SLC5A11: variants seen among roughly 807,000 people sequenced by gnomAD.
SLC5A11 encodes sodium/myo-inositol cotransporter 2.
In SLC5A11, 48 loss-of-function variants were observed where a neutral mutation model predicts 69.8. That is an observed-to-expected ratio of 0.69 (90% CI 0.55 to 0.87). SLC5A11 has a LOEUF of 0.87. Ranked by LOEUF, SLC5A11 falls within the 40% of genes least tolerant of loss-of-function variation. The probability of loss-of-function intolerance (pLI) is 0.00; values close to 1 mark genes in which losing one functional copy is unlikely to be tolerated. For synonymous variants in SLC5A11, 319 were observed against 342.4 expected, an observed-to-expected ratio of 0.93 and a Z score of 0.75; for missense variants, 784 against 866.1, an observed-to-expected ratio of 0.91 and a Z score of 1.19.
At chr16:24,851,987 CTCTCTCT>C (rs1567559298) in intron 1 of SLC5A11, among the ~76,000 whole-genome samples, 14 of 150,744 alleles carry the variant, frequency 9.3e-5, no homozygotes, top group Non-Finnish European at 1.5e-4. Flanking sequence ...CTCTCTCTCT[CTCTCTCT>C]CCCACTCTAT....
chr16:24,849,592 AAATAT>A (rs1442189219), intron 1 of SLC5A11, among the ~76,000 whole-genome samples: 4 of 82,474 alleles, frequency 4.9e-5, no homozygotes, highest in Admixed American at 1.2e-4. Context: ...AAAAAAAAAA[AAATAT>A]ATATATATAT....
Position 24,872,225 on chromosome 16 carries a change from T to C in SLC5A11, c.372+6T>C, listed in dbSNP as rs1567609753. 6.2e-7 allele frequency: 1 copy of C among 1,614,030 alleles called. No individual in the cohort carries two copies. Among genetic ancestry groups the C allele is most frequent in the Non-Finnish European group, 8.5e-7 (1 of 1,179,984 alleles). On this transcript the variant is annotated splice_donor_region_variant and intron_variant, in intron 5 of 15. Coordinates refer to ENST00000347898, the Ensembl canonical transcript of SLC5A11. Reference sequence around the variant, plus strand: ...CCATCTACATTGCTGGTCAGGTGAGTCGGGGGACATTGGGATGCTGTAGAA... The same window carrying C: ...CCATCTACATTGCTGGTCAGGTGAGCCGGGGGACATTGGGATGCTGTAGAA...
At chr16:24,880,836 T>C (rs2047997604) in intron 7 of SLC5A11, among the ~76,000 whole-genome samples, 1 of 152,152 alleles carries the variant, frequency 6.6e-6, no homozygotes, top group African/African-American at 2.4e-5. Flanking sequence ...CCACCAACAG[T>C]GCATCAGCAT....
intron 14 of SLC5A11, among the ~76,000 whole-genome samples, chr16:24,909,585 G>A (rs567793195): frequency 3.7e-5 from 5 of 135,826 alleles, no homozygotes; most frequent in Non-Finnish European, 7.6e-5. Context: ...ATGGTGCAGT[G>A]AGCTATGACC....
At chr16:24,900,287 C>T (rs1044294290) in intron 10 of SLC5A11, among the ~76,000 whole-genome samples, 5 of 152,172 alleles carry the variant, frequency 3.3e-5, no homozygotes, top group Non-Finnish European at 7.3e-5. Context: ...TGTGCCTTAT[C>T]CTACATAATG....
At chr16:24,864,903 A>G (rs938186735) in intron 3 of SLC5A11, among the ~76,000 whole-genome samples, 4 of 151,750 alleles carry the variant, frequency 2.6e-5, no homozygotes, top group African/African-American at 9.7e-5. Context: ...TTGAGCAGGC[A>G]AAAAAAATGA....
At chr16:24,900,513 G>A (rs1358948534) in intron 10 of SLC5A11, among the ~76,000 whole-genome samples, 2 of 152,150 alleles carry the variant, frequency 1.3e-5, no homozygotes, top group Non-Finnish European at 2.9e-5. Flanking sequence ...TCCAGGAAAG[G>A]GCAAAAGCCT....
intron 2 of SLC5A11, chr16:24,859,259 T>A (rs1274674773): frequency 6.6e-6 from 1 of 152,212 alleles, no homozygotes; most frequent in Admixed American, 6.5e-5. Context: ...GGCCTCGACT[T>A]CTTGGGCTCA....
At chr16:24,849,572 CAAAAA>C (rs1182615959) in intron 1 of SLC5A11, among the ~76,000 whole-genome samples, 1,602 of 38,378 alleles carry the variant, frequency 0.042, 67 homozygotes, top group South Asian at 0.087. Flanking sequence ...GCCTTGGGGG[CAAAAA>C]AAAAAAAAAA....
At chr16:24,869,347 G>A (rs1229037461) in intron 3 of SLC5A11, among the ~76,000 whole-genome samples, 1 of 152,072 alleles carries the variant, frequency 6.6e-6, no homozygotes, top group Non-Finnish European at 1.5e-5. Flanking sequence ...AAATTCCCAG[G>A]AAAGAGAATA....
chr16:24,866,312 A>G (rs369778174), intron 3 of SLC5A11, among the ~76,000 whole-genome samples: 15 of 151,948 alleles, frequency 9.9e-5, no homozygotes, highest in South Asian at 8.4e-4. Flanking sequence ...CAAAGATACA[A>G]ATAGGGCTGG....
At chr16:24,903,249 T>A (rs58026646) in intron 10 of SLC5A11, among the ~76,000 whole-genome samples, 4 of 151,742 alleles carry the variant, frequency 2.6e-5, no homozygotes, top group Non-Finnish European at 5.9e-5. Flanking sequence ...TACATACTTA[T>A]AAGGTGCAGT....
intron 9 of SLC5A11, among the ~76,000 whole-genome samples, chr16:24,892,887 A>T: frequency 6.6e-6 from 1 of 152,100 alleles, no homozygotes; most frequent in East Asian, 1.9e-4. Context: ...CCCCATTAAG[A>T]GAGAGACCCC....
chr16:24,896,534 G>A (rs926219200), intron 9 of SLC5A11, among the ~76,000 whole-genome samples: 4 of 152,102 alleles, frequency 2.6e-5, no homozygotes, highest in Non-Finnish European at 5.9e-5. Context: ...ACATGATGGG[G>A]AGTCCAGAGG....
chr16:24,881,067 G>A (rs1443599093), intron 7 of SLC5A11, among the ~76,000 whole-genome samples: 9 of 151,816 alleles, frequency 5.9e-5, no homozygotes, highest in Admixed American at 3.3e-4. Flanking sequence ...TTAGCCAGGC[G>A]TGGTGGCGGG....
chr16:24,911,231 ATCCCAGCAC>A (rs1393329957), intron 15 of SLC5A11, 88 bp from the exon 17 acceptor site: 1 of 1,181,838 alleles, frequency 8.5e-7, no homozygotes, highest in Non-Finnish European at 1.2e-6. Flanking sequence ...CACGCCTGTA[ATCCCAGCAC>A]TTGAACACAT....
exon 16 of SLC5A11, chr16:24,911,513 A>G: frequency 6.2e-7 from 1 of 1,614,082 alleles, no homozygotes; most frequent in Non-Finnish European, 8.5e-7. Flanking sequence ...CGCCATCTTT[A>G]TCTGGGGCTA....
At chr16:24,904,528 T>C (rs1184204060) in intron 10 of SLC5A11, among the ~76,000 whole-genome samples, 1 of 152,190 alleles carries the variant, frequency 6.6e-6, no homozygotes, top group Non-Finnish European at 1.5e-5. Context: ...TTCCTGTCTG[T>C]GCCAGCCACC....
At chr16:24,900,847 G>A (rs988744971) in intron 10 of SLC5A11, among the ~76,000 whole-genome samples, 1 of 151,402 alleles carries the variant, frequency 6.6e-6, no homozygotes, top group Non-Finnish European at 1.5e-5. Flanking sequence ...GAGCCCAGGA[G>A]GTTGAGGCTG....
Sources: gnomAD v4.1 joint callset for allele counts (sites outside exome capture counted in the v4.1 genomes callset) on GRCh38, gnomAD v4.1.1 for gene constraint, MANE v1.5 for transcripts, NCBI Gene and HGNC (gene_info 2026-07-23, HGNC 2026-07-21) for gene names.